The following ABCB5 variants were observed in gnomAD, a reference collection of about 807,000 sequenced individuals.
The protein encoded by ABCB5 is ATP-binding cassette sub-family B member 5.
Under a neutral mutation model 144.2 loss-of-function variants are expected in ABCB5, and 155 were observed. The ratio of observed to expected loss-of-function variants is 1.08; its 90% CI spans 0.94 to 1.23. ABCB5 has a LOEUF of 1.23. ABCB5 is among the 50% of genes most tolerant of loss of function. The pLI is 0.00. For synonymous variants in ABCB5, 610 were observed against 528.6 expected (o/e 1.15, Z -2.11); for missense variants, 1,830 against 1,520.8 (o/e 1.20, Z -3.38).
intron 26 of ABCB5, among the ~76,000 whole-genome samples, chr7:20,753,095 G>A (rs1562594564): frequency 6.6e-6 from 1 of 152,004 alleles, no homozygotes; most frequent in Admixed American, 6.6e-5. Context: ...TTTTTCTTAT[G>A]CTTTAATTTG....
At chr7:20,701,412 A>G (rs1009204457) in intron 19 of ABCB5, among the ~76,000 whole-genome samples, 1 of 152,174 alleles carries the variant, frequency 6.6e-6, no homozygotes, top group Non-Finnish European at 1.5e-5. Context: ...GAAACTTTTG[A>G]AAAGGTTTCC....
chr7:20,645,732 A>T, intron 7 of ABCB5, 24 bp from the exon 8 acceptor site: 1 of 1,611,602 alleles, frequency 6.2e-7, no homozygotes, highest in East Asian at 2.2e-5. Flanking sequence ...GTCATTTTTT[A>T]ACTGTGGTTG....
At chr7:20,707,099 C>T (rs1786850745) in intron 20 of ABCB5, among the ~76,000 whole-genome samples, 1 of 152,154 alleles carries the variant, frequency 6.6e-6, no homozygotes, top group African/African-American at 2.4e-5. Context: ...ATTTGGGGGT[C>T]ATATTTCCTA....
At chr7:20,680,998 CTTTCTTTCTTTCTTTCTTTCTT>C (rs564918490) in intron 14 of ABCB5, among the ~76,000 whole-genome samples, 69,648 of 111,408 alleles carry the variant, frequency 0.63, 22,342 homozygotes, top group Middle Eastern at 0.75. Context: ...TTCTTTCTTT[CTTTCTTTCTTTCTTTCTTTCTT>C]TCTTTCTTTC....
At chr7:20,667,670 TGCCCCTGCCCCTGCCCC>T (rs1207042227) in intron 14 of ABCB5, 1 of 972 alleles carries the variant, frequency 1.0e-3, no homozygotes, top group African/African-American at 0.022. Context: ...CATTCGCCTC[TGCCCCTGCCCCTGCCCC>T]TGCCCCTGCC....
rs529752106 is a variant in ABCB5 at position 20,752,577 on chromosome 7, G to A, written c.3430-783G>A. ...TCAAGACGCCAACCTGGCCAGGCGCGGTAGCTCACGCCTGCAATCCCAACA... is the reference window on the plus strand; with the variant it reads ...TCAAGACGCCAACCTGGCCAGGCGCAGTAGCTCACGCCTGCAATCCCAACA... On this transcript the variant is annotated intron_variant, in intron 26 of 27. Transcript: ENST00000404938. Among the ~76,000 whole-genome samples the A allele has an allele frequency of 1.1e-4, 16 of 152,270 alleles. No individual in the cohort carries two copies. The South Asian group carries it at 2.3e-3, about 22-fold the overall frequency.
At chr7:20,625,584 G>A (rs1051604554) in intron 2 of ABCB5, among the ~76,000 whole-genome samples, 6 of 152,044 alleles carry the variant, frequency 3.9e-5, no homozygotes, top group Non-Finnish European at 7.3e-5. Context: ...TGTTACTAAA[G>A]GTTAAAAATT....
At chr7:20,696,808 T>C (rs1348656596) in intron 16 of ABCB5, among the ~76,000 whole-genome samples, 1 of 152,162 alleles carries the variant, frequency 6.6e-6, no homozygotes, top group Non-Finnish European at 1.5e-5. Context: ...TTATCTTATT[T>C]ACTTCTTTTC....
intron 1 of ABCB5, 31 bp from the exon 2 acceptor site, chr7:20,623,226 TCACATAGC>T (rs1169622364): frequency 1.7e-6 from 2 of 1,184,244 alleles, no homozygotes; most frequent in African/African-American, 3.1e-5. Flanking sequence ...GTGATAAAAG[TCACATAGC>T]CATAATACAT....
intron 26 of ABCB5, among the ~76,000 whole-genome samples, chr7:20,751,504 A>T (rs547437549): frequency 5.3e-5 from 8 of 152,272 alleles, no homozygotes; most frequent in African/African-American, 1.7e-4. Flanking sequence ...TAAAAAAATT[A>T]AAAAACCTTC....
At chr7:20,729,843 C>A (rs970514436) in intron 23 of ABCB5, among the ~76,000 whole-genome samples, 1 of 152,182 alleles carries the variant, frequency 6.6e-6, no homozygotes, top group Non-Finnish European at 1.5e-5. Context: ...TTTGGCAGAA[C>A]ACACTGGGCA....
At chr7:20,752,502 C>A (rs1441328356) in intron 26 of ABCB5, among the ~76,000 whole-genome samples, 1 of 152,150 alleles carries the variant, frequency 6.6e-6, no homozygotes, top group Non-Finnish European at 1.5e-5. Flanking sequence ...CTGTGAAGTG[C>A]TAAATGTCAC....
At chr7:20,662,736 G>A (rs1251564818) in intron 14 of ABCB5, among the ~76,000 whole-genome samples, 1 of 151,542 alleles carries the variant, frequency 6.6e-6, no homozygotes, top group Non-Finnish European at 1.5e-5. Flanking sequence ...AGCGCTTGAT[G>A]TTAAATTCTA....
chr7:20,747,174 C>A (rs932718556), intron 26 of ABCB5, among the ~76,000 whole-genome samples: 1 of 152,316 alleles, frequency 6.6e-6, no homozygotes, highest in East Asian at 1.9e-4. Context: ...ACACTCACTG[C>A]ATTGTTAATT....
At chr7:20,616,158 T>A (rs1195440847) in intron 1 of ABCB5, among the ~76,000 whole-genome samples, 1 of 152,110 alleles carries the variant, frequency 6.6e-6, no homozygotes, top group Non-Finnish European at 1.5e-5. Context: ...GGCTCAGCCT[T>A]CTGAGTAGCT....
chr7:20,655,836 A>C (rs1287905820), intron 13 of ABCB5, among the ~76,000 whole-genome samples: 1 of 145,216 alleles, frequency 6.9e-6, no homozygotes, highest in Non-Finnish European at 1.5e-5. Flanking sequence ...GAAATTCAAA[A>C]GACCAACAAT....
Position 20,664,351 on chromosome 7 carries a change from A to T in ABCB5, c.1707+5675A>T, listed in dbSNP as rs942048373. On this transcript the variant is annotated intron_variant, in intron 14 of 27. Coordinates refer to ENST00000404938, the MANE Select transcript of ABCB5 (RefSeq NM_001163941.2). The stretch of plus-strand genomic sequence containing the variant: ...CCACTTTTGTTCCTGTAAGTTGTTT[A>T]TTTTTATACTATTGTATAAATAACT... Among the ~76,000 whole-genome samples, 22 of 152,292 alleles carry T rather than the reference A, an allele frequency of 1.4e-4. No individual in the cohort carries two copies. In the Middle Eastern group the frequency reaches 0.01, roughly 71 times the overall value.
intron 23 of ABCB5, among the ~76,000 whole-genome samples, chr7:20,732,279 G>A (rs1467170304): frequency 6.6e-6 from 1 of 152,142 alleles, no homozygotes; most frequent in Non-Finnish European, 1.5e-5. Context: ...ACTCCTCAGA[G>A]GGACTTTCAC....
intron 26 of ABCB5, among the ~76,000 whole-genome samples, chr7:20,746,663 G>A (rs996381793): frequency 6.6e-6 from 1 of 152,074 alleles, no homozygotes; most frequent in Non-Finnish European, 1.5e-5. Context: ...CAAAAATCTT[G>A]GCTAACTGTA....
Sources: allele counts gnomAD v4.1 joint callset (sites outside exome capture counted in the v4.1 genomes callset), GRCh38; gene constraint gnomAD v4.1.1; transcripts MANE v1.5; gene names NCBI Gene and HGNC (gene_info 2026-07-23, HGNC 2026-07-21).